Variants in LRPPRC observed in about 807,000 individuals in gnomAD.
The protein encoded by LRPPRC is leucine-rich PPR motif-containing protein, mitochondrial.
A neutral mutation model predicts 180.3 loss-of-function variants in LRPPRC; 120 were observed. The ratio of observed to expected loss-of-function variants is 0.67; its 90% CI spans 0.57 to 0.77. The LOEUF is 0.77. Ranked by LOEUF, LRPPRC falls within the 30% of genes least tolerant of loss-of-function variation. LRPPRC has a pLI of 0.00. For missense variants in LRPPRC, 2,012 were observed against 1,657.2 expected (o/e 1.21, Z -3.72); for synonymous variants, 723 against 600.0 (o/e 1.21, Z -3.00).
At chr2:43,980,234 T>C (rs1034862419) in intron 2 of LRPPRC, among the ~76,000 whole-genome samples, 4 of 152,128 alleles carry the variant, frequency 2.6e-5, no homozygotes, top group African/African-American at 9.7e-5. Flanking sequence ...TAGGCAGTGC[T>C]TGCTACAATT....
intron 36 of LRPPRC, among the ~76,000 whole-genome samples, chr2:43,891,489 CT>C (rs1177021520): frequency 6.6e-6 from 1 of 152,096 alleles, no homozygotes; most frequent in African/African-American, 2.4e-5. Flanking sequence ...ATATTTCAAC[CT>C]TTTTCATTAT....
At chr2:43,955,902 C>G (rs1200313542) in intron 14 of LRPPRC, among the ~76,000 whole-genome samples, 1 of 152,072 alleles carries the variant, frequency 6.6e-6, no homozygotes, top group African/African-American at 2.4e-5. Context: ...GACAAGGGGC[C>G]TCTGCAAGAG....
chr2:43,914,819 C>T (rs1198517498), intron 29 of LRPPRC, among the ~76,000 whole-genome samples: 1 of 152,058 alleles, frequency 6.6e-6, no homozygotes, highest in African/African-American at 2.4e-5. Flanking sequence ...TTATAATACA[C>T]ACTGCATTGT....
chr2:43,974,680 C>T lies in LRPPRC; in HGVS notation c.943G>A (p.Ala315Thr), dbSNP rs767932129. 1.2e-6 allele frequency: 2 copies of T among 1,612,676 alleles called. No individual in the cohort carries two copies. The change falls in exon 8 of 38, where the codon GCT becomes ACT. Residue 315 changes from alanine (A) to threonine (T), a missense_variant. Physicochemically the swap from Ala to Thr is moderately conservative, Grantham distance 58 (BLOSUM62 0). Coordinates refer to ENST00000260665, the MANE Select transcript of LRPPRC (RefSeq NM_133259.4). ...TCTGAGACATACTGAGGATACCCAGCTTTACTGAAGCTAAAAATAATTTGC... is the reference window on the plus strand; with the variant it reads ...TCTGAGACATACTGAGGATACCCAGTTTTACTGAAGCTAAAAATAATTTGC... ...LLQIIFSFSK[A>T]GYPQYVSEIL...
At position 43,975,281 on chromosome 2, in the gene LRPPRC, T is replaced by C. The variant is rs181358538; in HGVS notation, c.738-64A>G. The C allele has an allele frequency of 2.2e-6, 3 of 1,377,890 alleles. No homozygotes were observed. In the African/African-American group the frequency reaches 4.3e-5, roughly 20 times the overall value. 85.4% of individuals were successfully genotyped at this position (1,377,890 alleles called of 1,614,324 possible). On this transcript the variant is annotated intron_variant, in intron 6 of 37. Transcript: ENST00000260665. ...CCAAATTTAATATAGTTATTCAAACTAAAACATATGCTTATTAAAATAAAA... is the reference window on the plus strand; with the variant it reads ...CCAAATTTAATATAGTTATTCAAACCAAAACATATGCTTATTAAAATAAAA...
chr2:43,886,673 T>C lies in LRPPRC; in HGVS notation c.*1927A>G, dbSNP rs1670280509. 1 of 152,236 alleles carries C rather than the reference T, an allele frequency of 6.6e-6. No individual in the cohort carries two copies. Among genetic ancestry groups the C allele is most frequent in the African/African-American group, 2.4e-5 (1 of 41,448 alleles). The allele number at this position is 152,236 out of a possible 1,614,324, so 9.4% of individuals were successfully genotyped here. ...GTGGAGTCACTTCATGCAAATGAGA[T>C]GGTACTTTCAGTTTCCCCAAAAAGA... On this transcript the variant is annotated 3_prime_UTR_variant, in exon 38 of 38. Coordinates refer to ENST00000260665, the MANE Select transcript of LRPPRC (RefSeq NM_133259.4).
At chr2:43,948,590 A>G in intron 16 of LRPPRC, 72 bp from the exon 17 acceptor site, 1 of 832,862 alleles carries the variant, frequency 1.2e-6, no homozygotes, top group Non-Finnish European at 2.1e-6. Context: ...ATTAATTTAT[A>G]AGAAATCATT....
chr2:43,948,324 T>A, intron 17 of LRPPRC, 88 bp downstream of exon 17: 1 of 933,014 alleles, frequency 1.1e-6, no homozygotes, highest in Non-Finnish European at 1.8e-6. Context: ...TGAGAAGTGG[T>A]CTGGTTGTAC....
intron 31 of LRPPRC, chr2:43,902,662 T>A (rs1670929798): frequency 1.3e-5 from 2 of 152,098 alleles, no homozygotes; most frequent in South Asian, 4.1e-4. Context: ...CAATAAAAAT[T>A]TAAAAATACA....
At position 43,973,633 on chromosome 2, in the gene LRPPRC, C is replaced by A. The variant is rs886056058; in HGVS notation, c.1343G>T (p.Gly448Val). 4 of 1,613,820 alleles carry A rather than the reference C, an allele frequency of 2.5e-6. No homozygotes were observed. In the Admixed American group the frequency reaches 6.7e-5, roughly 27 times the overall value. ...RPHYFWPLLV[G>V]RRKEKNVQGI... is the part of the protein sequence containing the mutation. Reference sequence around the variant, plus strand: ...TTGAACATTTTTTTCCTTCCGACGTCCAACTAGCAATGGCCAGAAATAGTG... The same window carrying A: ...TTGAACATTTTTTTCCTTCCGACGTACAACTAGCAATGGCCAGAAATAGTG... The change falls in exon 11 of 38, where the codon GGA (glycine) becomes GTA (valine). Residue 448 changes from glycine (G) to valine (V), a missense_variant. By Grantham distance (109) the Gly-to-Val change is moderately radical. Coordinates refer to ENST00000260665, the MANE Select transcript of LRPPRC (RefSeq NM_133259.4).
intron 11 of LRPPRC, 32 bp downstream of exon 11, chr2:43,973,575 C>G (rs780945456): frequency 2.9e-6 from 4 of 1,375,874 alleles, no homozygotes; most frequent in Non-Finnish European, 4.2e-6. Flanking sequence ...GCTCTGGGAA[C>G]CATTACAAAT....
In LRPPRC at chr2:43,960,389, T is replaced by G. The variant is rs1048586967; in HGVS notation, c.1582+152A>C. The G allele has an allele frequency of 6.2e-6, 4 of 647,540 alleles. No individual in the cohort carries two copies. In the African/African-American group the frequency reaches 7.2e-5, roughly 12 times the overall value. 40.1% of individuals were successfully genotyped at this position (647,540 alleles called of 1,614,324 possible). Reference sequence around the variant, plus strand: ...TAACATTAAAATTACTTCCAAATTATCCACAAGTTCAACTCATAAACCGTT... The same window carrying G: ...TAACATTAAAATTACTTCCAAATTAGCCACAAGTTCAACTCATAAACCGTT... On this transcript the variant is annotated intron_variant, in intron 13 of 37. Coordinates refer to ENST00000260665, the MANE Select transcript of LRPPRC (RefSeq NM_133259.4).
chr2:43,948,226 A>G (rs781016785), intron 17 of LRPPRC, 27 bp from the exon 18 acceptor site: 102 of 1,310,074 alleles, frequency 7.8e-5, no homozygotes, highest in Non-Finnish European at 1.1e-4. Flanking sequence ...GAGGGGGGAA[A>G]AAACCTGAGT....
At chr2:43,945,019 A>G (rs1672627016) in intron 22 of LRPPRC, among the ~76,000 whole-genome samples, 1 of 152,138 alleles carries the variant, frequency 6.6e-6, no homozygotes, top group African/African-American at 2.4e-5. Flanking sequence ...AAACAAAGCC[A>G]TTAGTGCAGG....
Position 43,959,239 on chromosome 2 carries a change from G to A in LRPPRC, c.1582+1302C>T, listed in dbSNP as rs1249893781. 7.0e-6 allele frequency: 5 copies of A among 713,174 alleles called. No individual in the cohort carries two copies. The Admixed American group carries it at 8.0e-5, about 11-fold the overall frequency. 44.2% of individuals were successfully genotyped at this position (713,174 alleles called of 1,614,324 possible). On this transcript the variant is annotated intron_variant, in intron 13 of 37. Transcript: ENST00000260665. Reference sequence around the variant, plus strand: ...GGAAAATCTATATAGTATACAGAGTGGAAGGCAAAATCAATACACTCAGAT... The same window carrying A: ...GGAAAATCTATATAGTATACAGAGTAGAAGGCAAAATCAATACACTCAGAT...
chr2:43,960,460 A>C (rs1252528483), intron 13 of LRPPRC, 81 bp downstream of exon 13: 1 of 821,012 alleles, frequency 1.2e-6, no homozygotes, highest in Non-Finnish European at 2.2e-6. Context: ...CCTTGCTTTC[A>C]TTGCGTGAAC....
In LRPPRC at chr2:43,995,907, G is replaced by A; in HGVS notation, c.41C>T (p.Ala14Val). ...LLRSARWLLR[A>V]GAAPRLPLSL... Reference sequence around the variant, plus strand: ...GAGCGGGAGGCGCGGGGCCGCCCCGGCACGCAGCAACCAACGCGCGGATCT... The same window carrying A: ...GAGCGGGAGGCGCGGGGCCGCCCCGACACGCAGCAACCAACGCGCGGATCT... The change falls in exon 1 of 38, where the codon GCC becomes GTC. Residue 14 changes from alanine to valine, a missense_variant. By Grantham distance (64) the Ala-to-Val change is moderately conservative (BLOSUM62 0). Coordinates refer to ENST00000260665, the MANE Select transcript of LRPPRC (RefSeq NM_133259.4). The A allele has an allele frequency of 6.6e-7, 1 of 1,515,778 alleles. No individual in the cohort carries two copies. Among genetic ancestry groups the A allele is most frequent in the Non-Finnish European group, 8.8e-7 (1 of 1,139,452 alleles). The allele number at this position is 1,515,778 out of a possible 1,614,324, so 93.9% of individuals were successfully genotyped here.
At chr2:43,942,878 T>A (rs1672535292) in intron 23 of LRPPRC, among the ~76,000 whole-genome samples, 1 of 152,122 alleles carries the variant, frequency 6.6e-6, no homozygotes, top group African/African-American at 2.4e-5. Context: ...GATACGTATA[T>A]CTTCCATTTT....
chr2:43,971,367 T>C (rs187564302), intron 11 of LRPPRC, among the ~76,000 whole-genome samples: 28 of 151,204 alleles, frequency 1.9e-4, no homozygotes, highest in African/African-American at 6.5e-4. Flanking sequence ...GAGGAAGTAA[T>C]TATAAATATC....
Sources: allele counts gnomAD v4.1 joint callset (sites outside exome capture counted in the v4.1 genomes callset), GRCh38; gene constraint gnomAD v4.1.1; transcripts MANE v1.5; gene names NCBI Gene and HGNC (gene_info 2026-07-23, HGNC 2026-07-21).